The following GNA14 variants were observed in gnomAD, a reference collection of about 807,000 sequenced individuals.
The protein encoded by GNA14 is G protein subunit alpha 14, also known as guanine nucleotide-binding protein subunit alpha-14.
A neutral mutation model predicts 42.0 loss-of-function variants in GNA14; 50 were observed. The ratio of observed to expected loss-of-function variants is 1.19; its 90% CI spans 0.95 to 1.51. The LOEUF is 1.51. Among genes scored for constraint, GNA14 ranks in the 40% most tolerant of loss-of-function variants. The pLI is 0.00. For missense variants in GNA14, 473 were observed against 446.2 expected, an observed-to-expected ratio of 1.06 and a Z score of -0.54; for synonymous variants, 173 against 163.1, an observed-to-expected ratio of 1.06 and a Z score of -0.46.
intron 1 of GNA14, among the ~76,000 whole-genome samples, chr9:77,598,971 A>C (rs1823509995): frequency 6.6e-6 from 1 of 152,194 alleles, no homozygotes; most frequent in Non-Finnish European, 1.5e-5. Context: ...ATAAACAAGA[A>C]CACCACTGCC....
chr9:77,594,398 A>G (rs1285446775), intron 1 of GNA14, among the ~76,000 whole-genome samples: 1 of 152,220 alleles, frequency 6.6e-6, no homozygotes, highest in South Asian at 2.1e-4. Context: ...GTGGAAGGAA[A>G]AGGCAAGTTT....
intron 1 of GNA14, among the ~76,000 whole-genome samples, chr9:77,564,245 T>C (rs1421395417): frequency 2.7e-5 from 4 of 150,038 alleles, no homozygotes; most frequent in Non-Finnish European, 4.4e-5. Context: ...GATGGAAGTC[T>C]CCAGAGATTT....
intron 2 of GNA14, among the ~76,000 whole-genome samples, chr9:77,435,334 G>A (rs918974246): frequency 6.6e-5 from 10 of 151,944 alleles, no homozygotes; most frequent in African/African-American, 1.9e-4. Flanking sequence ...TCCAGCCTGG[G>A]TGACAGAGCG....
chr9:77,462,733 G>T (rs1252804640), intron 2 of GNA14, among the ~76,000 whole-genome samples: 1 of 1,334 alleles, frequency 7.5e-4, no homozygotes, highest in Non-Finnish European at 2.0e-3. Context: ...GGCGGGGGGT[G>T]GGGGGGTGGG....
chr9:77,573,225 G>C (rs1383489138), intron 1 of GNA14, among the ~76,000 whole-genome samples: 1 of 152,068 alleles, frequency 6.6e-6, no homozygotes, highest in Non-Finnish European at 1.5e-5. Flanking sequence ...GAGGCAGGTG[G>C]ATCACCCGAG....
rs148419068 is a variant in GNA14 at position 77,475,734 on chromosome 9, G to A, written c.310-41212C>T. ...CTAGGGCACAAAATTTAAGGGGACC[G>A]GACATGCATTCTTGGGTCTCTGCAC... On this transcript the variant is annotated intron_variant, in intron 2 of 6. Transcript: ENST00000341700. Among the ~76,000 whole-genome samples the A allele has an allele frequency of 1.2e-3, 187 of 152,290 alleles. 1 individual carries two copies. The highest frequency in any genetic ancestry group is 2.5e-3 in the East Asian group (13 of 5,188).
chr9:77,593,318 A>G (rs1047804593), intron 1 of GNA14, among the ~76,000 whole-genome samples: 2 of 147,746 alleles, frequency 1.4e-5, no homozygotes, highest in African/African-American at 5.2e-5. Flanking sequence ...TGATCAAAAT[A>G]CCCTCCCTAA....
chr9:77,552,464 C>T (rs2131782918), intron 1 of GNA14, among the ~76,000 whole-genome samples: 1 of 152,290 alleles, frequency 6.6e-6, no homozygotes, highest in East Asian at 1.9e-4. Flanking sequence ...TGAAACTTTT[C>T]TTGGTCCTAC....
intron 2 of GNA14, among the ~76,000 whole-genome samples, chr9:77,459,022 A>G (rs114669381): frequency 0.014 from 2,169 of 152,272 alleles, 44 homozygotes; most frequent in African/African-American, 0.049. Context: ...TAAAAAAGTA[A>G]GGGACATGCG....
At chr9:77,482,868 C>T (rs6560600) in intron 2 of GNA14, among the ~76,000 whole-genome samples, 94,500 of 150,580 alleles carry the variant, frequency 0.63, 30,901 homozygotes, top group African/African-American at 0.83. Flanking sequence ...GCTTCTGCAT[C>T]CTTCACGTCG....
chr9:77,485,962 G>C (rs1479195219), intron 2 of GNA14, among the ~76,000 whole-genome samples: 1 of 152,102 alleles, frequency 6.6e-6, no homozygotes, highest in Non-Finnish European at 1.5e-5. Context: ...TGGTAAATTG[G>C]CATTAGTTCC....
intron 2 of GNA14, among the ~76,000 whole-genome samples, chr9:77,521,931 C>G (rs1394209481): frequency 6.6e-6 from 1 of 152,134 alleles, no homozygotes; most frequent in African/African-American, 2.4e-5. Context: ...CTCCCAGATT[C>G]AAGCGATTCT....
At chr9:77,488,259 C>T (rs1410435676) in intron 2 of GNA14, among the ~76,000 whole-genome samples, 1 of 152,244 alleles carries the variant, frequency 6.6e-6, no homozygotes, top group Middle Eastern at 3.4e-3. Context: ...CCAATCTACC[C>T]GGCACCAAGT....
At chr9:77,545,149 T>C (rs890095902) in intron 1 of GNA14, among the ~76,000 whole-genome samples, 4 of 152,208 alleles carry the variant, frequency 2.6e-5, no homozygotes, top group Admixed American at 1.3e-4. Context: ...AGGAACCATC[T>C]TGAAGCACTA....
chr9:77,595,385 T>C (rs1823448772), intron 1 of GNA14, among the ~76,000 whole-genome samples: 1 of 152,220 alleles, frequency 6.6e-6, no homozygotes, highest in Admixed American at 6.5e-5. Flanking sequence ...ATGCCTTCAA[T>C]ATTTCTTTCC....
chr9:77,642,817 C>A (rs1052657023), intron 1 of GNA14, among the ~76,000 whole-genome samples: 2 of 152,100 alleles, frequency 1.3e-5, no homozygotes, highest in Non-Finnish European at 2.9e-5. Flanking sequence ...TCAATGAAAT[C>A]TGGTCCCCAA....
At chr9:77,529,037 C>A in intron 2 of GNA14, 32 bp downstream of exon 2, 1 of 1,597,374 alleles carries the variant, frequency 6.3e-7, no homozygotes, top group Non-Finnish European at 8.6e-7. Flanking sequence ...CATACATTCA[C>A]AAATAGGGCA....
rs1048290151 is a variant in GNA14, at chr9:77,648,160, G to T, written c.-367C>A. ...CCGGACAGCAGTCGGGGGCGCAGAC[G>T]AGTTGGAACGTCGGTGCTCGGGGGA... On this transcript the variant is annotated 5_prime_UTR_variant, in exon 1 of 7. Transcript: ENST00000341700. 2 of 315,390 alleles carry T rather than the reference G, an allele frequency of 6.3e-6. No homozygotes were observed. The highest frequency in any genetic ancestry group is 2.1e-4 in the East Asian group (2 of 9,662). 19.5% of individuals were successfully genotyped at this position (315,390 alleles called of 1,614,324 possible). A position where few individuals can be genotyped will look rare whatever the true frequency, so the allele number is the denominator to read the frequency against.
intron 1 of GNA14, among the ~76,000 whole-genome samples, chr9:77,621,364 G>C (rs1823918821): frequency 6.6e-6 from 1 of 152,182 alleles, no homozygotes; most frequent in African/African-American, 2.4e-5. Context: ...AGATAGAATA[G>C]GTTTGATTAG....
Sources: gnomAD v4.1 joint callset for allele counts (sites outside exome capture counted in the v4.1 genomes callset) on GRCh38, gnomAD v4.1.1 for gene constraint, MANE v1.5 for transcripts, NCBI Gene and HGNC (gene_info 2026-07-23, HGNC 2026-07-21) for gene names.